The following AGTPBP1 variants were observed in gnomAD, a reference collection of about 807,000 sequenced individuals.
AGTPBP1 encodes the protein ATP/GTP binding carboxypeptidase 1.
In AGTPBP1, 70 loss-of-function variants were observed where a neutral mutation model predicts 143.9. The ratio of observed to expected loss-of-function variants is 0.49; its 90% CI spans 0.40 to 0.59. The LOEUF (loss-of-function observed/expected upper bound fraction) is 0.59. AGTPBP1 is among the 20% of genes least tolerant of loss of function. AGTPBP1 has a pLI of 0.00. For synonymous variants in AGTPBP1, 463 were observed against 500.2 expected (o/e 0.93, Z 0.99); for missense variants, 1,229 against 1,464.5 (o/e 0.84, Z 2.62).
chr9:85,756,180 T>C, the AGTPBP1 span: 3 of 1,612,494 alleles, frequency 1.9e-6, no homozygotes, highest in South Asian at 1.1e-5. Flanking sequence ...CGGGAGGCCA[T>C]AGTTTCTAAG....
At chr9:85,665,943 A>G (rs1834105125) in intron 8 of AGTPBP1, among the ~76,000 whole-genome samples, 1 of 152,164 alleles carries the variant, frequency 6.6e-6, no homozygotes. Context: ...AGCCAGAGTA[A>G]ATTAATGTTA....
chr9:85,779,243 A>C, the AGTPBP1 span, among the ~76,000 whole-genome samples: 1 of 134,418 alleles, frequency 7.4e-6, no homozygotes, highest in African/African-American at 2.5e-5. Context: ...ATAGATATAG[A>C]TATCTATATA....
chr9:85,780,648 A>G, the AGTPBP1 span, among the ~76,000 whole-genome samples: 1 of 152,148 alleles, frequency 6.6e-6, no homozygotes, highest in African/African-American at 2.4e-5. Context: ...AAATCTTATG[A>G]AAGTGTGAGG....
At chr9:85,727,991 A>G (rs949372010) in intron 1 of AGTPBP1, among the ~76,000 whole-genome samples, 1 of 151,602 alleles carries the variant, frequency 6.6e-6, no homozygotes, top group Non-Finnish European at 1.5e-5. Context: ...CTGCATCACT[A>G]TACTCAAGCA....
rs184277826 is a variant in AGTPBP1 at position 85,715,214 on chromosome 9, C to A, written c.-33-2648G>T. Among the ~76,000 whole-genome samples, 284 of 151,404 alleles carry A rather than the reference C, an allele frequency of 1.9e-3. 5 individuals are homozygous for A. Among genetic ancestry groups the A allele is most frequent in the Non-Finnish European group, 3.4e-4 (23 of 67,858 alleles). On this transcript the variant is annotated intron_variant, in intron 1 of 25. Transcript: ENST00000357081. ...TGAGCTGAGATCGCACCACTGCACT[C>A]CAGCCCGGGTGACAGAGCGAGACTC...
At chr9:85,701,565 G>C (rs772777071) in intron 2 of AGTPBP1, among the ~76,000 whole-genome samples, 2 of 152,140 alleles carry the variant, frequency 1.3e-5, no homozygotes, top group Non-Finnish European at 2.9e-5. Flanking sequence ...TGTTTATAAA[G>C]AATTAAATCA....
intron 2 of AGTPBP1, among the ~76,000 whole-genome samples, chr9:85,702,376 T>C (rs1369066801): frequency 1.3e-5 from 2 of 152,310 alleles, no homozygotes; most frequent in African/African-American, 2.4e-5. Context: ...ATTCTTTGTG[T>C]GTTTTACTGT....
At chr9:85,760,477 A>G in the AGTPBP1 span, among the ~76,000 whole-genome samples, 1 of 152,368 alleles carries the variant, frequency 6.6e-6, no homozygotes, top group South Asian at 2.1e-4. Context: ...ACGCAAATCA[A>G]TAAATGTAAT....
chr9:85,740,055 C>T (rs1824140997), intron 1 of AGTPBP1, among the ~76,000 whole-genome samples: 1 of 151,880 alleles, frequency 6.6e-6, no homozygotes, highest in Non-Finnish European at 1.5e-5. Context: ...AACTGTTGGA[C>T]CTCTTTTCCT....
At chr9:85,771,781 A>G in the AGTPBP1 span, among the ~76,000 whole-genome samples, 4 of 150,734 alleles carry the variant, frequency 2.7e-5, no homozygotes, top group Non-Finnish European at 4.4e-5. Context: ...CCTCCCAAGT[A>G]GCTGGGACGA....
intron 25 of AGTPBP1, among the ~76,000 whole-genome samples, chr9:85,547,660 A>G (rs1199800980): frequency 1.3e-5 from 2 of 152,182 alleles, no homozygotes; most frequent in Admixed American, 1.3e-4. Context: ...TATAATTTCA[A>G]TAGTCCTTAC....
intron 14 of AGTPBP1, among the ~76,000 whole-genome samples, chr9:85,627,223 T>C (rs556413374): frequency 6.6e-6 from 1 of 152,158 alleles, no homozygotes; most frequent in East Asian, 1.9e-4. Context: ...GTTGAGAAAA[T>C]TGTTATCCAG....
chr9:85,663,721 T>C (rs1159428742), intron 8 of AGTPBP1, among the ~76,000 whole-genome samples: 2 of 152,040 alleles, frequency 1.3e-5, no homozygotes, highest in East Asian at 3.9e-4. Context: ...AGGGAAGATT[T>C]AACATATTGC....
intron 4 of AGTPBP1, among the ~76,000 whole-genome samples, chr9:85,679,210 C>G (rs1835015311): frequency 6.6e-6 from 1 of 152,160 alleles, no homozygotes; most frequent in Non-Finnish European, 1.5e-5. Flanking sequence ...AGAAGAGTGA[C>G]TATTTCTCCA....
At chr9:85,619,756 A>C (rs1830805605) in intron 15 of AGTPBP1, among the ~76,000 whole-genome samples, 1 of 152,202 alleles carries the variant, frequency 6.6e-6, no homozygotes, top group South Asian at 2.1e-4. Context: ...ATTGATTATT[A>C]AATAAGCATT....
At chr9:85,577,490 G>C (rs1054098350) in intron 24 of AGTPBP1, among the ~76,000 whole-genome samples, 3 of 152,156 alleles carry the variant, frequency 2.0e-5, no homozygotes, top group African/African-American at 4.8e-5. Context: ...GCTGGAAGCT[G>C]GAGTGGTGCT....
intron 17 of AGTPBP1, among the ~76,000 whole-genome samples, chr9:85,616,086 T>G (rs143014002): frequency 6.6e-6 from 1 of 152,016 alleles, no homozygotes. Flanking sequence ...TATATGTAAG[T>G]AGAAATCATA....
At chr9:85,798,084 T>C in the AGTPBP1 span, among the ~76,000 whole-genome samples, 2 of 149,348 alleles carry the variant, frequency 1.3e-5, no homozygotes, top group Non-Finnish European at 3.0e-5. Context: ...GTATTTTTGG[T>C]GGAGACGGGG....
intron 25 of AGTPBP1, among the ~76,000 whole-genome samples, chr9:85,567,268 A>G (rs907131289): frequency 3.9e-5 from 6 of 152,198 alleles, no homozygotes; most frequent in Admixed American, 3.3e-4. Context: ...TCTTCAAAGA[A>G]GGAAAGAATA....
Sources: allele counts gnomAD v4.1 joint callset (sites outside exome capture counted in the v4.1 genomes callset), GRCh38; gene constraint gnomAD v4.1.1; transcripts MANE v1.5; gene names NCBI Gene and HGNC (gene_info 2026-07-23, HGNC 2026-07-21).